Variants in MGRN1 observed in about 807,000 individuals in gnomAD.
MGRN1 encodes mahogunin ring finger 1, also known as E3 ubiquitin-protein ligase MGRN1.
In MGRN1, 29 loss-of-function variants were observed where a neutral mutation model predicts 69.2. That is an observed-to-expected ratio of 0.42 (90% confidence interval 0.31 to 0.57). The LOEUF (loss-of-function observed/expected upper bound fraction) is 0.57, where lower values mean the gene tolerates loss of function less well. Among genes scored for constraint, MGRN1 ranks in the 20% least tolerant of loss-of-function variants. MGRN1 has a pLI of 0.15. For missense variants in MGRN1, 998 were observed against 796.2 expected, an observed-to-expected ratio of 1.25 and a Z score of -3.05; for synonymous variants, 470 against 344.2, an observed-to-expected ratio of 1.37 and a Z score of -4.04.
At position 4,688,517 on chromosome 16, in the gene MGRN1, C is replaced by T. The variant is rs374434260; in HGVS notation, c.1619-279C>T. Reference sequence around the variant, plus strand: ...CAGGAGGCCCAGAGGGCATCCACCGCGGTGCCGTGTCGCGCTCTGACTCGG... The same window carrying T: ...CAGGAGGCCCAGAGGGCATCCACCGTGGTGCCGTGTCGCGCTCTGACTCGG... On this transcript the variant is annotated intron_variant, in intron 16 of 16. Coordinates refer to ENST00000262370, the MANE Select transcript of MGRN1 (RefSeq NM_015246.4). The T allele has an allele frequency of 2.2e-3, 2,688 of 1,219,294 alleles. 3 individuals are homozygous for T. Among genetic ancestry groups the T allele is most frequent in the South Asian group, 5.5e-3 (172 of 31,134 alleles). The allele number at this position is 1,219,294 out of a possible 1,614,324, so 75.5% of individuals were successfully genotyped here.
intron 11 of MGRN1, 72 bp from the exon 12 acceptor site, chr16:4,679,960 C>G: frequency 7.0e-7 from 1 of 1,419,190 alleles, no homozygotes. Flanking sequence ...GACAGCCAGT[C>G]AGACCTGTCC....
chr16:4,645,634 G>C (rs937264984), intron 1 of MGRN1, among the ~76,000 whole-genome samples: 2 of 152,176 alleles, frequency 1.3e-5, no homozygotes, highest in African/African-American at 4.8e-5. Context: ...TTGTAAAAGG[G>C]GTGTCAGAAG....
At position 4,683,287 on chromosome 16, in the gene MGRN1, T is replaced by A. The variant is rs201334591; in HGVS notation, c.1528+18T>A. Reference sequence around the variant, plus strand: ...ACAGCAAGGTGAGCGCCTCCTTCCATGGGCACAAACCGCATGCAGGGACCA... The same window carrying A: ...ACAGCAAGGTGAGCGCCTCCTTCCAAGGGCACAAACCGCATGCAGGGACCA... On this transcript the variant is annotated intron_variant, in intron 15 of 16. Coordinates refer to ENST00000262370, the MANE Select transcript of MGRN1 (RefSeq NM_015246.4). 6.8e-6 allele frequency: 11 copies of A among 1,613,466 alleles called. No homozygotes were observed. In the African/African-American group the frequency reaches 1.2e-4, roughly 18 times the overall value.
At chr16:4,627,105 C>T (rs535227507) in intron 1 of MGRN1, among the ~76,000 whole-genome samples, 4 of 152,288 alleles carry the variant, frequency 2.6e-5, no homozygotes, top group East Asian at 1.9e-4. Flanking sequence ...GGAGGCAGGC[C>T]GGGCCTCAGC....
chr16:4,628,087 A>G (rs1567162846), intron 1 of MGRN1, among the ~76,000 whole-genome samples: 1 of 147,532 alleles, frequency 6.8e-6, no homozygotes, highest in Non-Finnish European at 1.5e-5. Flanking sequence ...CTCAAAAAAA[A>G]AAAAAAAAAA....
intron 5 of MGRN1, 23 bp from the exon 6 acceptor site, chr16:4,664,686 A>G (rs774191162): frequency 8.1e-6 from 13 of 1,613,876 alleles, no homozygotes; most frequent in East Asian, 2.2e-5. Context: ...GGTCCTGACC[A>G]TTCTTGGCAA....
At position 4,628,385 on chromosome 16, in the gene MGRN1, CAA is replaced by C. The variant is rs35474754; in HGVS notation, c.88+3354_88+3355del. On this transcript the variant is annotated intron_variant, in intron 1 of 16. Transcript: ENST00000262370. ...GGGCGATAGAGTGTGACTCTGTCTC[CAA>C]AAAAAAAAAAAAAAAAGGAGGGGAC... Among the ~76,000 whole-genome samples, 358 of 93,988 alleles carry C rather than the reference CAA, an allele frequency of 3.8e-3. 2 individuals are homozygous for C. Among genetic ancestry groups the C allele is most frequent in the African/African-American group, 6.7e-3 (181 of 27,094 alleles). The allele number at this position is 93,988 out of a possible 152,430, so 61.7% of individuals were successfully genotyped here. A position where few individuals can be genotyped will look rare whatever the true frequency, so the allele number is the denominator to read the frequency against.
intron 1 of MGRN1, among the ~76,000 whole-genome samples, chr16:4,632,750 C>T (rs1457704814): frequency 4.6e-5 from 7 of 152,190 alleles, no homozygotes; most frequent in Middle Eastern, 3.4e-3. Context: ...AATTCCAGAA[C>T]ATCTTCATCA....
chr16:4,688,811 T>G lies in MGRN1; in HGVS notation c.1634T>G (p.Met545Arg). ...DIYLPGRPTS[M>R]ETAHGLATTS... ...CCACCTGCAGGACGGCCCACCTCCA[T>G]GGAGACGGCCCACGGCCTCGCCACC... Residue 545 changes from methionine to arginine, a missense_variant, in exon 17 of 17, where the codon ATG becomes AGG. Coordinates refer to ENST00000262370, the MANE Select transcript of MGRN1 (RefSeq NM_015246.4). 6.4e-7 allele frequency: 1 copy of G among 1,551,406 alleles called. No individual in the cohort carries two copies. The highest frequency in any genetic ancestry group is 8.7e-7 in the Non-Finnish European group (1 of 1,146,946).
chr16:4,633,708 A>C (rs1898127273), intron 1 of MGRN1: 2 of 150,018 alleles, frequency 1.3e-5, no homozygotes, highest in Non-Finnish European at 2.9e-5. Flanking sequence ...TATATCTATC[A>C]ATAAAAAAAA....
chr16:4,651,894 C>T (rs1181839776), intron 2 of MGRN1, 69 bp from the exon 3 acceptor site: 1 of 1,430,178 alleles, frequency 7.0e-7, no homozygotes, highest in Non-Finnish European at 9.9e-7. Context: ...GGCTGCTGCA[C>T]CCTGACCCGT....
chr16:4,664,501 C>A, intron 5 of MGRN1: 3 of 597,104 alleles, frequency 5.0e-6, no homozygotes, highest in East Asian at 2.8e-5. Context: ...GTTAAAATGG[C>A]AGATTTTGTG....
chr16:4,655,234 C>T (rs922056861), intron 4 of MGRN1, among the ~76,000 whole-genome samples: 1 of 152,176 alleles, frequency 6.6e-6, no homozygotes, highest in Non-Finnish European at 1.5e-5. Context: ...TGTCTATCCG[C>T]TGCCCCCCAG....
intron 5 of MGRN1, chr16:4,664,376 G>A (rs2078751854): frequency 2.8e-6 from 1 of 361,750 alleles, no homozygotes; most frequent in Non-Finnish European, 5.1e-6. Context: ...GGGAGTGTGT[G>A]GGTGCTGATG....
At chr16:4,687,459 T>C in intron 16 of MGRN1, 1 of 943,082 alleles carries the variant, frequency 1.1e-6, no homozygotes, top group Non-Finnish European at 1.3e-6. Flanking sequence ...GGTGGGAGGA[T>C]TGCCGGAGCT....
At position 4,624,934 on chromosome 16, in the gene MGRN1, C is replaced by A; in HGVS notation, c.-27C>A. On this transcript the variant is annotated 5_prime_UTR_variant, in exon 1 of 17. Coordinates refer to ENST00000262370, the MANE Select transcript of MGRN1 (RefSeq NM_015246.4). The stretch of plus-strand genomic sequence containing the variant: ...GTCGCCGCTCCCGTTCCGGCCCTGG[C>A]CCCTCTGCCCGGCAGCGCCGCGCAC... The A allele has an allele frequency of 6.6e-7, 1 of 1,516,094 alleles. No individual in the cohort carries two copies. Among genetic ancestry groups the A allele is most frequent in the South Asian group, 1.2e-5 (1 of 81,182 alleles). 93.9% of individuals were successfully genotyped at this position (1,516,094 alleles called of 1,614,324 possible).
intron 7 of MGRN1, among the ~76,000 whole-genome samples, chr16:4,667,113 G>A (rs2078822263): frequency 6.6e-6 from 1 of 152,226 alleles, no homozygotes; most frequent in African/African-American, 2.4e-5. Context: ...CGTGTGACAA[G>A]GCCCAGCCTG....
intron 1 of MGRN1, among the ~76,000 whole-genome samples, chr16:4,643,691 ATT>A (rs1488512344): frequency 1.3e-5 from 2 of 152,126 alleles, no homozygotes; most frequent in African/African-American, 4.8e-5. Flanking sequence ...TATTGATCAT[ATT>A]GTGTGTCTGC....
Position 4,673,502 on chromosome 16 carries a change from C to G in MGRN1, c.800C>G (p.Ser267Trp), listed in dbSNP as rs770137190. 6.2e-7 allele frequency: 1 copy of G among 1,612,264 alleles called. No homozygotes were observed. Among genetic ancestry groups the G allele is most frequent in the Non-Finnish European group, 8.5e-7 (1 of 1,179,834 alleles). The change falls in exon 10 of 17, where the codon TCG becomes TGG. Residue 267 changes from serine to tryptophan, a missense_variant. Coordinates refer to ENST00000262370, the MANE Select transcript of MGRN1 (RefSeq NM_015246.4). ...ENKNNQETKP[S>W]DDENSDNSNE... is the part of the protein sequence containing the mutation. ...CACAAGCCCTTGTCCCGGCAGCCCT[C>G]GGACGACGAGAACAGCGACAACAGC...
Sources: allele counts gnomAD v4.1 joint callset (sites outside exome capture counted in the v4.1 genomes callset), GRCh38; gene constraint gnomAD v4.1.1; transcripts MANE v1.5; gene names NCBI Gene and HGNC (gene_info 2026-07-23, HGNC 2026-07-21).